Variants in PLEKHG7 observed in about 807,000 individuals in gnomAD.
PLEKHG7 encodes the protein pleckstrin homology and RhoGEF domain containing G7.
A neutral mutation model predicts 85.2 loss-of-function variants in PLEKHG7; 77 were observed. The observed-to-expected ratio is 0.90, with a 90% confidence interval of 0.75 to 1.09. The LOEUF is 1.09. PLEKHG7 is among the 50% of genes least tolerant of loss of function. The pLI, the probability that PLEKHG7 is intolerant of heterozygous loss-of-function variation, is 0.00. For synonymous variants in PLEKHG7, 301 were observed against 302.4 expected (o/e 1.00, Z 0.05); for missense variants, 777 against 804.3 (o/e 0.97, Z 0.41).
At chr12:92,756,461 T>A in intron 13 of PLEKHG7, 70 bp downstream of exon 13, 1 of 1,203,790 alleles carries the variant, frequency 8.3e-7, no homozygotes. Context: ...TGCCAGTAAT[T>A]GAAGAGCAGG....
At chr12:92,725,998 A>G (rs1333558173) in intron 3 of PLEKHG7, among the ~76,000 whole-genome samples, 1 of 152,222 alleles carries the variant, frequency 6.6e-6, no homozygotes, top group African/African-American at 2.4e-5. Context: ...TTAATTCCAC[A>G]GGATATGCTA....
At chr12:92,763,991 T>C (rs139435442) in intron 14 of PLEKHG7, 50 bp from the exon 15 acceptor site, 1 of 1,528,028 alleles carries the variant, frequency 6.5e-7, no homozygotes, top group African/African-American at 1.4e-5. Context: ...TAGATAAGTG[T>C]GCCAATATTT....
intron 5 of PLEKHG7, 47 bp from the exon 6 acceptor site, chr12:92,736,435 T>G: frequency 8.9e-7 from 1 of 1,120,480 alleles, no homozygotes. Context: ...GTCATGTCAT[T>G]AAAGAATCAA....
At chr12:92,729,791 G>A (rs1000137474) in intron 4 of PLEKHG7, among the ~76,000 whole-genome samples, 2 of 152,110 alleles carry the variant, frequency 1.3e-5, no homozygotes, top group Non-Finnish European at 2.9e-5. Flanking sequence ...AAGAATCCTT[G>A]CTTGGAAATC....
At chr12:92,760,610 A>C (rs1188681604) in intron 13 of PLEKHG7, among the ~76,000 whole-genome samples, 33 of 152,174 alleles carry the variant, frequency 2.2e-4, no homozygotes. Context: ...CTCCCTCTAA[A>C]AACCTTTTCC....
intron 13 of PLEKHG7, among the ~76,000 whole-genome samples, chr12:92,757,963 G>A (rs751277990): frequency 3.3e-5 from 5 of 152,212 alleles, no homozygotes; most frequent in Non-Finnish European, 7.4e-5. Flanking sequence ...TGAACACGGT[G>A]AGGTGAGAAG....
At chr12:92,709,897 T>C (rs1029081171) in intron 3 of PLEKHG7, among the ~76,000 whole-genome samples, 3 of 152,112 alleles carry the variant, frequency 2.0e-5, no homozygotes, top group African/African-American at 7.2e-5. Context: ...ATTTTTTCTT[T>C]AAATAAGCTG....
chr12:92,727,023 G>A (rs1243666689), intron 3 of PLEKHG7, among the ~76,000 whole-genome samples: 1 of 152,126 alleles, frequency 6.6e-6, no homozygotes, highest in East Asian at 1.9e-4. Flanking sequence ...GGGTGCATTT[G>A]CGTTGACATG....
chr12:92,705,766 C>T (rs979677150), intron 1 of PLEKHG7, among the ~76,000 whole-genome samples: 14 of 152,168 alleles, frequency 9.2e-5, no homozygotes, highest in Admixed American at 2.0e-4. Context: ...TACAGAATAA[C>T]GAAACTGCAA....
intron 15 of PLEKHG7, among the ~76,000 whole-genome samples, chr12:92,768,039 C>T (rs527848810): frequency 2.0e-5 from 3 of 151,980 alleles, no homozygotes; most frequent in South Asian, 2.1e-4. Flanking sequence ...ACCCCCGTCT[C>T]GACTAAAAAC....
intron 7 of PLEKHG7, among the ~76,000 whole-genome samples, 183 bp downstream of exon 7, chr12:92,737,704 A>G (rs1872202731): frequency 2.1e-5 from 1 of 47,650 alleles, no homozygotes; most frequent in Admixed American, 2.8e-4. Context: ...AAAGAGAGAA[A>G]GAGAAGAAGA....
chr12:92,770,390 G>T lies in PLEKHG7; in HGVS notation c.*195G>T. On this transcript the variant is annotated 3_prime_UTR_variant, in exon 17 of 17. Transcript: ENST00000344636. ...TGACTGCAACAAATTTGAACTCTGA[G>T]GAATTTCTTGACAAATATATACTGA... 1 of 499,316 alleles carries T rather than the reference G, an allele frequency of 2.0e-6. No homozygotes were observed. The highest frequency in any genetic ancestry group is 3.5e-6 in the Non-Finnish European group (1 of 285,684). 30.9% of individuals were successfully genotyped at this position (499,316 alleles called of 1,614,324 possible). A position where few individuals can be genotyped will look rare whatever the true frequency, so the allele number is the denominator to read the frequency against.
intron 3 of PLEKHG7, among the ~76,000 whole-genome samples, chr12:92,720,251 C>G (rs1871600013): frequency 6.6e-6 from 1 of 152,064 alleles, no homozygotes; most frequent in Admixed American, 6.6e-5. Flanking sequence ...CTTGTGGCTG[C>G]CTCCCTTTAA....
chr12:92,754,382 A>G, intron 11 of PLEKHG7, 118 bp downstream of exon 11: 1 of 986,688 alleles, frequency 1.0e-6, no homozygotes, highest in East Asian at 2.6e-5. Flanking sequence ...GGCTCTTGGA[A>G]ATGTGGGTTC....
intron 3 of PLEKHG7, among the ~76,000 whole-genome samples, chr12:92,722,249 C>T (rs1244617341): frequency 6.6e-6 from 1 of 151,920 alleles, no homozygotes; most frequent in Non-Finnish European, 1.5e-5. Flanking sequence ...TTCTAGAGTG[C>T]CCAGAAATCC....
intron 6 of PLEKHG7, among the ~76,000 whole-genome samples, chr12:92,737,084 T>A (rs547028878): frequency 3.3e-5 from 5 of 152,204 alleles, no homozygotes; most frequent in Non-Finnish European, 7.3e-5. Context: ...TTCTCAAGCA[T>A]AATTCAAAAC....
At chr12:92,714,502 A>G (rs1392608206) in intron 3 of PLEKHG7, among the ~76,000 whole-genome samples, 4 of 152,216 alleles carry the variant, frequency 2.6e-5, no homozygotes, top group African/African-American at 7.2e-5. Context: ...AGCTACTCAC[A>G]TAATAAGAGC....
At chr12:92,736,800 G>A (rs984533380) in intron 6 of PLEKHG7, among the ~76,000 whole-genome samples, 1 of 152,134 alleles carries the variant, frequency 6.6e-6, no homozygotes, top group Non-Finnish European at 1.5e-5. Context: ...AAATGTGAGA[G>A]CACTTCATAG....
rs1873115659 is a variant in PLEKHG7 at position 92,764,112 on chromosome 12, GGGT to G, written c.1792_1794del (p.Gly598del). 6.2e-7 allele frequency: 1 copy of G among 1,613,074 alleles called. No individual in the cohort carries two copies. The highest frequency in any genetic ancestry group is 1.3e-5 in the African/African-American group (1 of 74,852). ...CTGAGTTGCAAGCAGTAATAAAAGA[GGGT>G]GGTTCGTGTACAGTACTCGATCAGC... On this transcript the variant is annotated inframe_deletion, in exon 15 of 17. Coordinates refer to ENST00000344636, the MANE Select transcript of PLEKHG7 (RefSeq NM_001377329.1).
Sources: gnomAD v4.1 joint callset for allele counts (sites outside exome capture counted in the v4.1 genomes callset) on GRCh38, gnomAD v4.1.1 for gene constraint, MANE v1.5 for transcripts, NCBI Gene and HGNC (gene_info 2026-07-23, HGNC 2026-07-21) for gene names.